The following FSIP1 variants were observed in gnomAD, a reference collection of about 807,000 sequenced individuals.
FSIP1 encodes fibrous sheath-interacting protein 1.
In FSIP1, 65 loss-of-function variants were observed where a neutral mutation model predicts 60.9. The observed-to-expected ratio is 1.07, with a 90% CI of 0.87 to 1.31. FSIP1 has a LOEUF of 1.31. Among genes scored for constraint, FSIP1 ranks in the 40% most tolerant of loss-of-function variants. FSIP1 has a pLI of 0.00. For synonymous variants in FSIP1, 209 were observed against 221.2 expected, an observed-to-expected ratio of 0.94 and a Z score of 0.49; for missense variants, 675 against 665.5, an observed-to-expected ratio of 1.01 and a Z score of -0.16.
intron 3 of FSIP1, among the ~76,000 whole-genome samples, chr15:39,767,170 A>T (rs1028575140): frequency 8.5e-5 from 13 of 152,140 alleles, no homozygotes; most frequent in African/African-American, 3.1e-4. Flanking sequence ...TCTTAGAGGA[A>T]AAAAAGAAAG....
intron 10 of FSIP1, among the ~76,000 whole-genome samples, chr15:39,631,034 C>T (rs1486170534): frequency 6.6e-6 from 1 of 152,224 alleles, no homozygotes; most frequent in Non-Finnish European, 1.5e-5. Flanking sequence ...CATCTACTTT[C>T]CCTGCTGGAT....
intron 9 of FSIP1, among the ~76,000 whole-genome samples, chr15:39,719,763 A>AC (rs1895882606): frequency 6.6e-6 from 1 of 152,200 alleles, no homozygotes; most frequent in Admixed American, 6.5e-5. Flanking sequence ...TGTTTTTATC[A>AC]CCTTGGAATA....
intron 11 of FSIP1, among the ~76,000 whole-genome samples, chr15:39,616,730 A>G (rs919003868): frequency 6.6e-6 from 1 of 152,218 alleles, no homozygotes; most frequent in Non-Finnish European, 1.5e-5. Flanking sequence ...GGCATTGGAG[A>G]GCCATAGAAG....
At chr15:39,778,046 C>A (rs1869559761) in intron 1 of FSIP1, among the ~76,000 whole-genome samples, 1 of 152,170 alleles carries the variant, frequency 6.6e-6, no homozygotes, top group African/African-American at 2.4e-5. Flanking sequence ...TCAGCTCTTC[C>A]CATCTCAGCA....
At chr15:39,718,928 C>T (rs948455118) in intron 9 of FSIP1, among the ~76,000 whole-genome samples, 1 of 152,180 alleles carries the variant, frequency 6.6e-6, no homozygotes, top group Admixed American at 6.5e-5. Flanking sequence ...TTGAGGAAGT[C>T]ACCTCCTCTT....
chr15:39,633,152 G>A (rs1239262895), intron 10 of FSIP1, among the ~76,000 whole-genome samples: 1 of 139,306 alleles, frequency 7.2e-6, no homozygotes, highest in Middle Eastern at 4.2e-3. Context: ...GTGCAGTGGT[G>A]CGATCTCGGC....
intron 10 of FSIP1, among the ~76,000 whole-genome samples, chr15:39,626,581 CAG>C (rs942239271): frequency 2.0e-5 from 3 of 152,150 alleles, no homozygotes; most frequent in African/African-American, 7.2e-5. Flanking sequence ...GATTGGAACA[CAG>C]GGGTGGTTTC....
chr15:39,746,213 A>C (rs1896988433), intron 5 of FSIP1, among the ~76,000 whole-genome samples: 1 of 152,226 alleles, frequency 6.6e-6, no homozygotes, highest in African/African-American at 2.4e-5. Flanking sequence ...AGAAAGGGAA[A>C]GAGAAAAGCA....
intron 11 of FSIP1, among the ~76,000 whole-genome samples, chr15:39,617,532 A>ATAAC (rs1247081143): frequency 6.6e-6 from 1 of 152,214 alleles, no homozygotes; most frequent in East Asian, 1.9e-4. Flanking sequence ...ACCATCAAGA[A>ATAAC]TAACGTATTT....
At chr15:39,692,401 C>T (rs899574799) in intron 10 of FSIP1, among the ~76,000 whole-genome samples, 1 of 152,206 alleles carries the variant, frequency 6.6e-6, no homozygotes, top group African/African-American at 2.4e-5. Context: ...AAACATTAGA[C>T]ACCATTTTAC....
chr15:39,636,236 A>G (rs372173328), intron 10 of FSIP1, among the ~76,000 whole-genome samples: 18 of 152,352 alleles, frequency 1.2e-4, no homozygotes, highest in East Asian at 1.2e-3. Flanking sequence ...ACCTCTGGTT[A>G]AGTGCTCTTA....
intron 10 of FSIP1, among the ~76,000 whole-genome samples, chr15:39,671,457 T>C (rs1325782878): frequency 6.6e-6 from 1 of 152,206 alleles, no homozygotes; most frequent in Non-Finnish European, 1.5e-5. Flanking sequence ...ATATGAAGAC[T>C]ATGTTAATGT....
At chr15:39,673,191 C>G (rs75637998) in intron 10 of FSIP1, among the ~76,000 whole-genome samples, 6,499 of 152,266 alleles carry the variant, frequency 0.043, 463 homozygotes, top group African/African-American at 0.15. Context: ...CAAATACGGA[C>G]ATTTTTTAAA....
intron 10 of FSIP1, among the ~76,000 whole-genome samples, chr15:39,631,484 C>G (rs2140403333): frequency 6.6e-6 from 1 of 152,302 alleles, no homozygotes; most frequent in African/African-American, 2.4e-5. Context: ...AGGAAGGGTG[C>G]TGAAAGTATT....
chr15:39,614,148 C>T (rs1891135752), intron 11 of FSIP1, among the ~76,000 whole-genome samples: 1 of 152,022 alleles, frequency 6.6e-6, no homozygotes, highest in Admixed American at 6.6e-5. Flanking sequence ...TCTCTCTTTG[C>T]TGATGACATG....
intron 6 of FSIP1, 89 bp from the exon 7 acceptor site, chr15:39,739,878 G>T: frequency 1.4e-6 from 1 of 732,048 alleles, no homozygotes; most frequent in Non-Finnish European, 2.1e-6. Context: ...AAATATATAA[G>T]AACTAAAACA....
chr15:39,709,501 G>A (rs887986562), intron 10 of FSIP1, among the ~76,000 whole-genome samples: 1 of 152,178 alleles, frequency 6.6e-6, no homozygotes, highest in African/African-American at 2.4e-5. Flanking sequence ...ACTAGTTTTA[G>A]ATACTATATA....
At chr15:39,733,095 C>A (rs1034183825) in intron 8 of FSIP1, among the ~76,000 whole-genome samples, 3 of 151,996 alleles carry the variant, frequency 2.0e-5, no homozygotes, top group Non-Finnish European at 1.5e-5. Flanking sequence ...GGCTGGAGTG[C>A]AGTTGGCTCA....
chr15:39,672,037 T>C (rs74653372), intron 10 of FSIP1, among the ~76,000 whole-genome samples: 2 of 152,146 alleles, frequency 1.3e-5, no homozygotes, highest in Non-Finnish European at 1.5e-5. Flanking sequence ...TAGGAAGAGA[T>C]AAAGACCTGG....
Sources: gnomAD v4.1 joint callset for allele counts (sites outside exome capture counted in the v4.1 genomes callset) on GRCh38, gnomAD v4.1.1 for gene constraint, MANE v1.5 for transcripts, NCBI Gene and HGNC (gene_info 2026-07-23, HGNC 2026-07-21) for gene names.